Variants in PTPRD observed in about 807,000 individuals in gnomAD.
PTPRD encodes protein tyrosine phosphatase receptor type D, also known as receptor-type tyrosine-protein phosphatase delta.
A neutral mutation model predicts 214.5 loss-of-function variants in PTPRD; 34 were observed. That is an observed-to-expected ratio of 0.16 (90% CI 0.12 to 0.21). PTPRD has a LOEUF of 0.21. Ranked by LOEUF, PTPRD falls within the 10% of genes least tolerant of loss-of-function variation. The pLI, the probability that PTPRD is intolerant of heterozygous loss-of-function variation, is 1.00. For missense variants in PTPRD, 2,545 were observed against 2,398.7 expected, an observed-to-expected ratio of 1.06 and a Z score of -1.27; for synonymous variants, 1,128 against 845.7, an observed-to-expected ratio of 1.33 and a Z score of -5.79.
chr9:8,706,537 GT>G (rs1482587156), intron 12 of PTPRD, among the ~76,000 whole-genome samples: 2 of 152,050 alleles, frequency 1.3e-5, no homozygotes, highest in Non-Finnish European at 2.9e-5. Flanking sequence ...TGGCTTTGAA[GT>G]TTAAAAAGAA....
intron 11 of PTPRD, among the ~76,000 whole-genome samples, chr9:9,000,851 C>T (rs990374052): frequency 6.6e-6 from 1 of 151,902 alleles, no homozygotes; most frequent in African/African-American, 2.4e-5. Context: ...TCACAAAAAA[C>T]AAACCACAAG....
At position 9,867,861 on chromosome 9, in the gene PTPRD, C is replaced by A. The variant is rs185167056; in HGVS notation, c.-368+70646G>T. Among the ~76,000 whole-genome samples the A allele has an allele frequency of 3.9e-5, 6 of 152,264 alleles. No individual in the cohort carries two copies. The East Asian group carries it at 1.2e-3, about 29-fold the overall frequency. Reference sequence around the variant, plus strand: ...CAAAATGGGACAGAAACTGAGGAGACCTTGGCCCCAGGGTAGGGGAGGCAA... The same window carrying A: ...CAAAATGGGACAGAAACTGAGGAGAACTTGGCCCCAGGGTAGGGGAGGCAA... On this transcript the variant is annotated intron_variant, in intron 5 of 45. Coordinates refer to ENST00000381196, the MANE Select transcript of PTPRD (RefSeq NM_002839.4).
intron 26 of PTPRD, among the ~76,000 whole-genome samples, chr9:8,496,967 C>T (rs1028843116): frequency 6.6e-6 from 1 of 152,212 alleles, no homozygotes; most frequent in Non-Finnish European, 1.5e-5. Flanking sequence ...TTAAAGCATG[C>T]CTCCTCTGAC....
intron 5 of PTPRD, among the ~76,000 whole-genome samples, chr9:9,913,358 A>G (rs73402620): frequency 0.022 from 3,353 of 152,242 alleles, 112 homozygotes; most frequent in African/African-American, 0.076. Context: ...TACATGCTAT[A>G]TAAATTGCAG....
intron 2 of PTPRD, among the ~76,000 whole-genome samples, chr9:10,498,636 T>C (rs996608701): frequency 6.6e-6 from 1 of 151,866 alleles, no homozygotes; most frequent in African/African-American, 2.4e-5. Context: ...AGATATCTTA[T>C]AGCCTGAGAC....
At chr9:8,542,886 G>C (rs1342904221) in intron 14 of PTPRD, among the ~76,000 whole-genome samples, 1 of 152,184 alleles carries the variant, frequency 6.6e-6, no homozygotes, top group Admixed American at 6.5e-5. Context: ...CCATGGATTT[G>C]CATCAGTTTT....
intron 2 of PTPRD, among the ~76,000 whole-genome samples, chr9:10,475,867 A>T (rs999437672): frequency 4.0e-5 from 6 of 150,096 alleles, no homozygotes; most frequent in African/African-American, 1.5e-4. Flanking sequence ...AGTAGAACCA[A>T]TGACAAAAAA....
At chr9:10,229,020 G>A (rs570868088) in intron 3 of PTPRD, among the ~76,000 whole-genome samples, 7 of 151,794 alleles carry the variant, frequency 4.6e-5, no homozygotes, top group Admixed American at 2.0e-4. Context: ...ATGTTTTGCC[G>A]GTATATGAGA....
chr9:8,420,678 G>A (rs916108520), intron 35 of PTPRD, among the ~76,000 whole-genome samples: 2 of 152,050 alleles, frequency 1.3e-5, no homozygotes, highest in Non-Finnish European at 2.9e-5. Context: ...ATACAACTGT[G>A]GAGAGATAAA....
At chr9:9,266,575 C>G (rs1261560174) in intron 9 of PTPRD, among the ~76,000 whole-genome samples, 3 of 149,844 alleles carry the variant, frequency 2.0e-5, no homozygotes, top group Non-Finnish European at 4.5e-5. Flanking sequence ...TGATATGAAA[C>G]TAGGTATCAA....
intron 8 of PTPRD, among the ~76,000 whole-genome samples, chr9:9,450,639 G>A (rs1588771753): frequency 1.3e-5 from 2 of 151,704 alleles, no homozygotes; most frequent in East Asian, 3.9e-4. Context: ...TGAGACCTAA[G>A]CATTTACATA....
chr9:9,728,062 C>T (rs955043807), intron 7 of PTPRD, among the ~76,000 whole-genome samples: 3 of 152,020 alleles, frequency 2.0e-5, no homozygotes, highest in Non-Finnish European at 4.4e-5. Flanking sequence ...AAGTCTCATG[C>T]GATCTGACGG....
chr9:8,934,843 C>T (rs545017180), intron 11 of PTPRD, among the ~76,000 whole-genome samples: 6 of 151,904 alleles, frequency 3.9e-5, no homozygotes, highest in Non-Finnish European at 5.9e-5. Context: ...GGATTCCATA[C>T]GTAAGTGAGA....
chr9:8,912,903 T>C (rs1486791875), intron 11 of PTPRD, among the ~76,000 whole-genome samples: 2 of 152,088 alleles, frequency 1.3e-5, no homozygotes, highest in South Asian at 2.1e-4. Flanking sequence ...GAAGTCACTG[T>C]TGTACAGCTC....
chr9:9,487,416 T>C lies in PTPRD; in HGVS notation c.-237+87316A>G, dbSNP rs570067088. Among the ~76,000 whole-genome samples the C allele has an allele frequency of 1.8e-4, 28 of 152,306 alleles. No homozygotes were observed. In the South Asian group the frequency reaches 5.8e-3, roughly 32 times the overall value. ...CATCCTTTTTTATGGCTGCATAGTA[T>C]TCCATGGTGTATATGTGCCACATTT... On this transcript the variant is annotated intron_variant, in intron 8 of 45. Coordinates refer to ENST00000381196, the MANE Select transcript of PTPRD (RefSeq NM_002839.4).
chr9:10,048,417 C>G (rs2097448852), intron 3 of PTPRD, among the ~76,000 whole-genome samples: 1 of 152,114 alleles, frequency 6.6e-6, no homozygotes, highest in Non-Finnish European at 1.5e-5. Flanking sequence ...ATGCTGGGTA[C>G]TGGCTTCTTA....
chr9:8,341,033 A>G (rs1179568852), intron 41 of PTPRD, 57 bp downstream of exon 41: 2 of 1,467,084 alleles, frequency 1.4e-6, no homozygotes, highest in Admixed American at 4.5e-5. Context: ...TGGTTATTAA[A>G]CTAGGGCACA....
chr9:8,667,339 C>CTAAA (rs879448662), intron 12 of PTPRD, among the ~76,000 whole-genome samples: 4 of 152,086 alleles, frequency 2.6e-5, no homozygotes, highest in Admixed American at 1.3e-4. Context: ...AACGTCGTCT[C>CTAAA]TAAATAAATA....
intron 9 of PTPRD, among the ~76,000 whole-genome samples, chr9:9,261,245 A>T (rs2132133537): frequency 6.6e-6 from 1 of 152,028 alleles, no homozygotes; most frequent in African/African-American, 2.4e-5. Flanking sequence ...GTGTCAACTT[A>T]TCCATCTTCC....
Sources: gnomAD v4.1 joint callset for allele counts (sites outside exome capture counted in the v4.1 genomes callset) on GRCh38, gnomAD v4.1.1 for gene constraint, MANE v1.5 for transcripts, NCBI Gene and HGNC (gene_info 2026-07-23, HGNC 2026-07-21) for gene names.